LARGE1: variants seen among roughly 807,000 people sequenced by gnomAD.
LARGE1 encodes xylosyl- and glucuronyltransferase LARGE1.
Under a neutral mutation model 87.6 loss-of-function variants are expected in LARGE1, and 43 were observed. The ratio of observed to expected loss-of-function variants is 0.49; its 90% confidence interval spans 0.38 to 0.63. The LOEUF is 0.63. Among genes scored for constraint, LARGE1 ranks in the 30% least tolerant of loss-of-function variants. The pLI is 0.00. For synonymous variants in LARGE1, 434 were observed against 394.6 expected (o/e 1.10, Z -1.18); for missense variants, 802 against 1,000.2 (o/e 0.80, Z 2.67).
rs536913129 is a variant in LARGE1 at position 33,638,313 on chromosome 22, G to A, written c.409-11987C>T. 7.2e-5 allele frequency among the ~76,000 whole-genome samples: 11 copies of A among 152,294 alleles called. 1 individual carries two copies. Among genetic ancestry groups the A allele is most frequent in the Middle Eastern group, 6.8e-3 (2 of 294 alleles). ...ATGTTGCCTCCAGCAAAATGCAAAC[G>A]CCCCACTAAGCTAATAAATACATCC... On this transcript the variant is annotated intron_variant, in intron 3 of 14. Transcript: ENST00000397394.
At position 33,638,008 on chromosome 22, in the gene LARGE1, A is replaced by T. The variant is rs79259119; in HGVS notation, c.409-11682T>A. 3.0e-3 allele frequency among the ~76,000 whole-genome samples: 455 copies of T among 152,220 alleles called. 4 individuals carry two copies. The highest frequency in any genetic ancestry group is 9.0e-3 in the Admixed American group (137 of 15,292). The stretch of plus-strand genomic sequence containing the variant: ...TTCCTTCCAGCTATAACATCCCCTA[A>T]TTTCAGGGCCTGAAATTTAAAGAGG... On this transcript the variant is annotated intron_variant, in intron 3 of 14. Transcript: ENST00000397394.
intron 9 of LARGE1, among the ~76,000 whole-genome samples, chr22:33,339,869 T>C (rs1320640626): frequency 6.6e-6 from 1 of 152,186 alleles, no homozygotes; most frequent in Non-Finnish European, 1.5e-5. Context: ...TTTTGCCATG[T>C]TGCCCAGGCT....
chr22:33,650,401 T>G lies in LARGE1; in HGVS notation c.374A>C (p.Glu125Ala). The stretch of plus-strand genomic sequence containing the variant: ...CTCCACGACCGGCTGCTGCCCACAC[T>G]CGGAGCTGTTGCCTGCCACGATGCC... ...RAGIVAGNSS[E>A]CGQQPVVEKC... Residue 125 changes from glutamate (E) to alanine (A), a missense_variant, in exon 3 of 15, where the codon GAG (glutamate) becomes GCG (alanine). Glu to Ala is a moderately radical substitution (Grantham distance 107). Coordinates refer to ENST00000397394, the MANE Select transcript of LARGE1 (RefSeq NM_133642.5). The G allele has an allele frequency of 6.2e-7, 1 of 1,614,048 alleles. No individual in the cohort carries two copies. Among genetic ancestry groups the G allele is most frequent in the East Asian group, 2.2e-5 (1 of 44,876 alleles).
intron 2 of LARGE1, among the ~76,000 whole-genome samples, chr22:33,665,387 A>G (rs1359393643): frequency 6.6e-6 from 1 of 152,216 alleles, no homozygotes; most frequent in Non-Finnish European, 1.5e-5. Context: ...GCACACAGTA[A>G]GCACTCAAAA....
At chr22:33,572,242 T>C in intron 5 of LARGE1, 1 of 1,274,330 alleles carries the variant, frequency 7.8e-7, no homozygotes, top group Non-Finnish European at 1.0e-6. Context: ...TGAAAAGTCA[T>C]TTGCCTTTCA....
chr22:33,104,880 A>ACTTT, the LARGE1 span, among the ~76,000 whole-genome samples: 1 of 83,766 alleles, frequency 1.2e-5, no homozygotes, highest in Non-Finnish European at 3.1e-5. Flanking sequence ...ACTTCAATAG[A>ACTTT]CTTTCTCTCT....
chr22:33,508,769 G>A (rs1020249063), intron 6 of LARGE1, among the ~76,000 whole-genome samples: 4 of 152,126 alleles, frequency 2.6e-5, no homozygotes, highest in East Asian at 1.9e-4. Flanking sequence ...ATTACTTCAC[G>A]TGACATTTGT....
chr22:33,226,855 G>A (rs998585672), intron 11 of LARGE1, among the ~76,000 whole-genome samples: 3 of 151,826 alleles, frequency 2.0e-5, no homozygotes, highest in Non-Finnish European at 2.9e-5. Context: ...TCAGCCTCCC[G>A]AGTAGCTGGG....
At chr22:33,817,440 T>TTC (rs141766413) in intron 1 of LARGE1, among the ~76,000 whole-genome samples, 3 of 150,890 alleles carry the variant, frequency 2.0e-5, no homozygotes, top group African/African-American at 4.8e-5. Context: ...TCGTTTGTGT[T>TTC]TCTCTCTCTC....
At chr22:33,643,353 A>G (rs1283080932) in intron 3 of LARGE1, among the ~76,000 whole-genome samples, 1 of 152,242 alleles carries the variant, frequency 6.6e-6, no homozygotes, top group Non-Finnish European at 1.5e-5. Context: ...ACCAATGAGA[A>G]CAAAGACACA....
chr22:33,121,143 T>A, the LARGE1 span, among the ~76,000 whole-genome samples: 1 of 152,124 alleles, frequency 6.6e-6, no homozygotes, highest in African/African-American at 2.4e-5. Context: ...GGGGGAAGGA[T>A]AATGACATCT....
chr22:33,490,570 A>T (rs1318235864), intron 6 of LARGE1, among the ~76,000 whole-genome samples: 1 of 152,216 alleles, frequency 6.6e-6, no homozygotes, highest in African/African-American at 2.4e-5. Flanking sequence ...TTCATTATCC[A>T]GTACACTGCT....
chr22:33,168,316 A>G (rs1922383000), intron 11 of LARGE1, among the ~76,000 whole-genome samples: 1 of 152,194 alleles, frequency 6.6e-6, no homozygotes, highest in South Asian at 2.1e-4. Flanking sequence ...TTTTCCTTCC[A>G]GCATGTCTGT....
chr22:33,810,664 A>G (rs1360646604), intron 1 of LARGE1, among the ~76,000 whole-genome samples: 1 of 152,130 alleles, frequency 6.6e-6, no homozygotes, highest in Non-Finnish European at 1.5e-5. Flanking sequence ...GAGTGAAGAC[A>G]GCATGCAGCA....
intron 2 of LARGE1, among the ~76,000 whole-genome samples, chr22:33,714,797 C>T (rs377605714): frequency 3.8e-4 from 58 of 152,250 alleles, no homozygotes; most frequent in Middle Eastern, 3.4e-3. Context: ...CTCCATGTAC[C>T]CTAAATTCCA....
chr22:33,428,682 G>T (rs1230378373), intron 7 of LARGE1, among the ~76,000 whole-genome samples: 32 of 147,640 alleles, frequency 2.2e-4, no homozygotes, highest in African/African-American at 7.4e-4. Flanking sequence ...CAGCACTTTG[G>T]GAGGCTGAGG....
intron 4 of LARGE1, among the ~76,000 whole-genome samples, chr22:33,622,105 G>A (rs1197912139): frequency 6.6e-6 from 1 of 152,168 alleles, no homozygotes; most frequent in East Asian, 1.9e-4. Flanking sequence ...AGGTTGTTAG[G>A]GAAAGGGTGC....
intron 6 of LARGE1, among the ~76,000 whole-genome samples, chr22:33,446,800 C>G (rs1001375689): frequency 2.0e-5 from 3 of 152,136 alleles, no homozygotes; most frequent in Non-Finnish European, 2.9e-5. Flanking sequence ...CACCAGGGCA[C>G]CATCTGCACA....
chr22:33,478,553 G>T (rs141024084), intron 6 of LARGE1, among the ~76,000 whole-genome samples: 232 of 152,324 alleles, frequency 1.5e-3, no homozygotes, highest in Middle Eastern at 3.4e-3. Flanking sequence ...AGATGAAGAG[G>T]TCAAACAGAT....
Sources: gnomAD v4.1 joint callset for allele counts (sites outside exome capture counted in the v4.1 genomes callset) on GRCh38, gnomAD v4.1.1 for gene constraint, MANE v1.5 for transcripts, NCBI Gene and HGNC (gene_info 2026-07-23, HGNC 2026-07-21) for gene names.